The following ACSS3 variants were observed in gnomAD, a reference collection of about 807,000 sequenced individuals.
ACSS3 encodes the protein acyl-CoA synthetase short-chain family member 3, mitochondrial.
ACSS3 carries 64 observed loss-of-function variants against 84.2 expected under a neutral mutation model. That is an observed-to-expected ratio of 0.76 (90% CI 0.62 to 0.94). The LOEUF (loss-of-function observed/expected upper bound fraction) is 0.94. Ranked by LOEUF, ACSS3 falls within the 40% of genes least tolerant of loss-of-function variation. The pLI is 0.00. For missense variants in ACSS3, 815 were observed against 867.6 expected, an observed-to-expected ratio of 0.94 and a Z score of 0.76; for synonymous variants, 317 against 310.1, an observed-to-expected ratio of 1.02 and a Z score of -0.23.
At chr12:81,213,898 TTTTGTCC>T (rs1415587019) in intron 9 of ACSS3, among the ~76,000 whole-genome samples, 86 of 76,076 alleles carry the variant, frequency 1.1e-3, no homozygotes, top group Non-Finnish European at 2.1e-3. Context: ...TCTTTCTTTC[TTTTGTCC>T]TTCCTTCCTT....
intron 7 of ACSS3, among the ~76,000 whole-genome samples, chr12:81,166,079 C>G (rs367945905): frequency 6.6e-6 from 1 of 152,160 alleles, no homozygotes; most frequent in African/African-American, 2.4e-5. Flanking sequence ...GGATTTGAAA[C>G]AAGCTTCTCT....
chr12:81,202,280 A>AAAT (rs1470671392), intron 9 of ACSS3, among the ~76,000 whole-genome samples: 1 of 141,272 alleles, frequency 7.1e-6, no homozygotes, highest in East Asian at 2.2e-4. Context: ...CTCTGTCTCA[A>AAAT]AATAAATAAA....
At chr12:81,078,874 G>A (rs1254464696) in intron 1 of ACSS3, among the ~76,000 whole-genome samples, 1 of 152,288 alleles carries the variant, frequency 6.6e-6, no homozygotes, top group East Asian at 1.9e-4. Context: ...CCCCATAAGG[G>A]TTTGGAAGGA....
intron 8 of ACSS3, among the ~76,000 whole-genome samples, chr12:81,191,823 A>G (rs948442307): frequency 6.6e-6 from 1 of 151,904 alleles, no homozygotes; most frequent in Non-Finnish European, 1.5e-5. Flanking sequence ...AGATGATTTT[A>G]TTGTAACCTC....
chr12:81,103,278 C>A (rs1163340212), intron 1 of ACSS3, among the ~76,000 whole-genome samples: 1 of 152,120 alleles, frequency 6.6e-6, no homozygotes, highest in Non-Finnish European at 1.5e-5. Context: ...ATAGGAAATA[C>A]TCTAAAGTAT....
chr12:81,106,245 G>T (rs1882988097), intron 1 of ACSS3, among the ~76,000 whole-genome samples: 1 of 152,134 alleles, frequency 6.6e-6, no homozygotes, highest in East Asian at 1.9e-4. Flanking sequence ...CAGATCAGGG[G>T]TGGCATTAGA....
chr12:81,113,436 T>C (rs1359822025), intron 2 of ACSS3, among the ~76,000 whole-genome samples: 1 of 152,170 alleles, frequency 6.6e-6, no homozygotes, highest in Non-Finnish European at 1.5e-5. Flanking sequence ...CATAAATTCA[T>C]TTTTTCACTT....
At chr12:81,139,886 G>C in intron 4 of ACSS3, among the ~76,000 whole-genome samples, 1 of 151,790 alleles carries the variant, frequency 6.6e-6, no homozygotes, top group East Asian at 1.9e-4. Context: ...CCGCCTGCCT[G>C]GGCCCCCCAA....
In ACSS3 at chr12:81,169,619, T is replaced by C. The variant is rs201106782; in HGVS notation, c.1099-5169T>C. ...CATATATGAGCAATGTCTTTTATTG[T>C]TTTTTAATACAAATGGAATTGTACA... On this transcript the variant is annotated intron_variant, in intron 7 of 15. Coordinates refer to ENST00000548058, the MANE Select transcript of ACSS3 (RefSeq NM_024560.4). Among the ~76,000 whole-genome samples, 5 of 152,284 alleles carry C rather than the reference T, an allele frequency of 3.3e-5. No individual in the cohort carries two copies. The East Asian group carries it at 9.6e-4, about 29-fold the overall frequency.
At chr12:81,081,490 A>G (rs1880973578) in intron 1 of ACSS3, among the ~76,000 whole-genome samples, 1 of 152,206 alleles carries the variant, frequency 6.6e-6, no homozygotes, top group African/African-American at 2.4e-5. Flanking sequence ...CTGCAATCAT[A>G]GTAATTTCTT....
At position 81,167,045 on chromosome 12, in the gene ACSS3, C is replaced by T. The variant is rs559173830; in HGVS notation, c.1099-7743C>T. 9.8e-5 allele frequency among the ~76,000 whole-genome samples: 15 copies of T among 152,318 alleles called. No homozygotes were observed. The South Asian group carries it at 2.1e-3, about 21-fold the overall frequency. On this transcript the variant is annotated intron_variant, in intron 7 of 15. Transcript: ENST00000548058. ...CAGTCCTGCTAGAAGCAATGAGCTA[C>T]GAGCTGTATACTAGGGGTAAATGCT...
chr12:81,084,070 G>C (rs1189293483), intron 1 of ACSS3, among the ~76,000 whole-genome samples: 1 of 152,138 alleles, frequency 6.6e-6, no homozygotes, highest in South Asian at 2.1e-4. Flanking sequence ...CCTTTAAATG[G>C]TGCATGTGCT....
chr12:81,172,923 G>A (rs886850034), intron 7 of ACSS3, among the ~76,000 whole-genome samples: 2 of 152,096 alleles, frequency 1.3e-5, no homozygotes, highest in Non-Finnish European at 2.9e-5. Flanking sequence ...CTTCAGTGGA[G>A]GTTAAATTAT....
intron 8 of ACSS3, among the ~76,000 whole-genome samples, chr12:81,193,616 A>T (rs1304381124): frequency 1.3e-5 from 2 of 152,008 alleles, no homozygotes; most frequent in Non-Finnish European, 2.9e-5. Flanking sequence ...TATAGATTTT[A>T]AAGTAGATAA....
intron 7 of ACSS3, among the ~76,000 whole-genome samples, chr12:81,164,330 C>T (rs911511006): frequency 6.6e-6 from 1 of 152,138 alleles, no homozygotes; most frequent in Non-Finnish European, 1.5e-5. Flanking sequence ...TAGGCTTCAC[C>T]ATCTAGGTTT....
At chr12:81,114,753 T>C (rs933069683) in intron 2 of ACSS3, among the ~76,000 whole-genome samples, 2 of 152,144 alleles carry the variant, frequency 1.3e-5, no homozygotes, top group African/African-American at 4.8e-5. Flanking sequence ...TTTCCTGGCA[T>C]GCAATTTTTG....
chr12:81,113,935 A>G (rs1883815950), intron 2 of ACSS3, among the ~76,000 whole-genome samples: 1 of 152,098 alleles, frequency 6.6e-6, no homozygotes, highest in Admixed American at 6.6e-5. Flanking sequence ...CCTCAGTGAA[A>G]TAAAAGGTAT....
intron 4 of ACSS3, among the ~76,000 whole-genome samples, chr12:81,139,950 C>T (rs993050960): frequency 6.6e-6 from 1 of 151,892 alleles, no homozygotes; most frequent in Non-Finnish European, 1.5e-5. Flanking sequence ...TTTTAATCTT[C>T]CTGGTAACTC....
chr12:81,241,934 T>C (rs1169429166), intron 13 of ACSS3, among the ~76,000 whole-genome samples: 5 of 152,334 alleles, frequency 3.3e-5, no homozygotes, highest in African/African-American at 1.2e-4. Flanking sequence ...TGAATGGTAA[T>C]GCCTAGGTTT....
Sources: gnomAD v4.1 joint callset for allele counts (sites outside exome capture counted in the v4.1 genomes callset) on GRCh38, gnomAD v4.1.1 for gene constraint, MANE v1.5 for transcripts, NCBI Gene and HGNC (gene_info 2026-07-23, HGNC 2026-07-21) for gene names.